Variants in FHIT observed in about 807,000 individuals in gnomAD.
FHIT encodes bis(5'-adenosyl)-triphosphatase.
In FHIT, 19 loss-of-function variants were observed where a neutral mutation model predicts 17.9. That is an observed-to-expected ratio of 1.06 (90% CI 0.74 to 1.56). The LOEUF is 1.56. FHIT is among the 40% of genes most tolerant of loss of function. FHIT has a pLI of 0.00. For synonymous variants in FHIT, 81 were observed against 69.7 expected, an observed-to-expected ratio of 1.16 and a Z score of -0.81; for missense variants, 248 against 189.2, an observed-to-expected ratio of 1.31 and a Z score of -1.82.
chr3:61,094,878 C>T (rs1040312829), intron 2 of FHIT, among the ~76,000 whole-genome samples: 4 of 152,278 alleles, frequency 2.6e-5, no homozygotes, highest in Admixed American at 2.6e-4. Flanking sequence ...TTCCATCATG[C>T]TACTTAGGAC....
At chr3:60,569,742 TATA>T (rs2037295020) in intron 4 of FHIT, among the ~76,000 whole-genome samples, 2 of 66,094 alleles carry the variant, frequency 3.0e-5, no homozygotes, top group Non-Finnish European at 6.2e-5. Context: ...TATATATATA[TATA>T]TATATATATA....
intron 5 of FHIT, among the ~76,000 whole-genome samples, chr3:60,401,358 T>A (rs751590218): frequency 2.2e-4 from 34 of 152,202 alleles, no homozygotes; most frequent in Non-Finnish European, 4.0e-4. Flanking sequence ...TGGGAAGTTA[T>A]TTCCTGTGTA....
At chr3:60,386,550 G>T (rs1045310611) in intron 5 of FHIT, among the ~76,000 whole-genome samples, 13 of 152,092 alleles carry the variant, frequency 8.5e-5, no homozygotes, top group African/African-American at 3.1e-4. Context: ...ATACCCAGAG[G>T]ACAAGGTTTG....
intron 5 of FHIT, among the ~76,000 whole-genome samples, chr3:60,365,456 C>G (rs1700069597): frequency 6.6e-6 from 1 of 152,066 alleles, no homozygotes; most frequent in Non-Finnish European, 1.5e-5. Flanking sequence ...GATCTTAACA[C>G]CACACATATT....
In FHIT at chr3:60,544,598, T is replaced by TTC. The variant is rs1576848251; in HGVS notation, c.-17-7620_-17-7619insGA. On this transcript the variant is annotated intron_variant, in intron 4 of 9. Coordinates refer to ENST00000492590, the MANE Select transcript of FHIT (RefSeq NM_002012.4). ...GTTGGCCAATAATTTCTCAACCTAT[T>TTC]TTTTTTTTTTTTTTTTTGAGACAGA... 4.1e-5 allele frequency among the ~76,000 whole-genome samples: 6 copies of TTC among 146,426 alleles called. 1 individual carries two copies. In the East Asian group the frequency reaches 1.2e-3, roughly 29 times the overall value.
chr3:60,411,588 C>G (rs1015411311), intron 5 of FHIT, among the ~76,000 whole-genome samples: 2 of 152,158 alleles, frequency 1.3e-5, no homozygotes, highest in Admixed American at 6.5e-5. Context: ...GTCTTCTCAG[C>G]TGAACGTTGT....
intron 5 of FHIT, among the ~76,000 whole-genome samples, chr3:60,175,736 A>G (rs982663497): frequency 2.0e-5 from 3 of 152,192 alleles, no homozygotes; most frequent in South Asian, 4.1e-4. Context: ...AAAAATTAGG[A>G]TATCACCAAC....
At chr3:60,108,092 CA>C (rs1704505313) in intron 5 of FHIT, among the ~76,000 whole-genome samples, 1 of 152,132 alleles carries the variant, frequency 6.6e-6, no homozygotes, top group South Asian at 2.1e-4. Flanking sequence ...CAACTTAATC[CA>C]ATACAGTTTT....
intron 1 of FHIT, among the ~76,000 whole-genome samples, chr3:61,215,034 A>C (rs1475934255): frequency 1.5e-4 from 22 of 151,540 alleles, no homozygotes; most frequent in Non-Finnish European, 3.1e-4. Context: ...ATCTATGACA[A>C]ACCCACAGCC....
chr3:60,407,365 C>T (rs1191067809), intron 5 of FHIT, among the ~76,000 whole-genome samples: 1 of 151,982 alleles, frequency 6.6e-6, no homozygotes, highest in Non-Finnish European at 1.5e-5. Context: ...CATCAATTCA[C>T]CCCAAAAGAT....
At chr3:60,429,504 G>A (rs1489129800) in intron 5 of FHIT, among the ~76,000 whole-genome samples, 1 of 152,022 alleles carries the variant, frequency 6.6e-6, no homozygotes, top group Non-Finnish European at 1.5e-5. Context: ...GAAAACAAAA[G>A]AAGTTCTAGA....
chr3:59,876,373 A>C (rs1575626901), intron 8 of FHIT, among the ~76,000 whole-genome samples: 1 of 152,176 alleles, frequency 6.6e-6, no homozygotes, highest in East Asian at 1.9e-4. Flanking sequence ...ACATTATTTA[A>C]ACTAGAATAA....
At chr3:60,224,302 G>A (rs1202288195) in intron 5 of FHIT, among the ~76,000 whole-genome samples, 1 of 152,088 alleles carries the variant, frequency 6.6e-6, no homozygotes, top group African/African-American at 2.4e-5. Context: ...TGTGAAAACT[G>A]TCCCAACCTG....
chr3:60,212,828 G>C (rs2107519695), intron 5 of FHIT, among the ~76,000 whole-genome samples: 1 of 152,302 alleles, frequency 6.6e-6, no homozygotes, highest in East Asian at 1.9e-4. Flanking sequence ...AAAAGGACAT[G>C]GCGGAGCAAT....
chr3:60,933,449 T>C (rs1453883258), intron 3 of FHIT, among the ~76,000 whole-genome samples: 4 of 152,198 alleles, frequency 2.6e-5, no homozygotes, highest in African/African-American at 9.6e-5. Context: ...GTCTTAGAAC[T>C]CCGGTGTGTA....
intron 4 of FHIT, among the ~76,000 whole-genome samples, chr3:60,711,636 C>T (rs1553705155): frequency 6.6e-6 from 1 of 152,022 alleles, no homozygotes; most frequent in Non-Finnish European, 1.5e-5. Context: ...ATGCAGAGGC[C>T]TCAGGAGCCA....
intron 8 of FHIT, among the ~76,000 whole-genome samples, chr3:59,782,418 C>T (rs1048754140): frequency 6.6e-6 from 1 of 152,160 alleles, no homozygotes; most frequent in Non-Finnish European, 1.5e-5. Context: ...CCATCCACAG[C>T]CTCTACATCC....
At chr3:60,083,231 C>T (rs1349492979) in intron 5 of FHIT, among the ~76,000 whole-genome samples, 1 of 152,030 alleles carries the variant, frequency 6.6e-6, no homozygotes, top group Admixed American at 6.6e-5. Flanking sequence ...TTTTCCATTG[C>T]TTAATTTGTT....
intron 4 of FHIT, among the ~76,000 whole-genome samples, chr3:60,749,660 C>T (rs1475314974): frequency 6.6e-6 from 1 of 152,116 alleles, no homozygotes; most frequent in Non-Finnish European, 1.5e-5. Flanking sequence ...TTTAAACATG[C>T]TGAATAAGAC....
Sources: gnomAD v4.1 joint callset for allele counts (sites outside exome capture counted in the v4.1 genomes callset) on GRCh38, gnomAD v4.1.1 for gene constraint, MANE v1.5 for transcripts, NCBI Gene and HGNC (gene_info 2026-07-23, HGNC 2026-07-21) for gene names.